UNC13C: variants seen among roughly 807,000 people sequenced by gnomAD.
The protein encoded by UNC13C is unc-13 homolog C.
A neutral mutation model predicts 245.4 loss-of-function variants in UNC13C; 174 were observed. The observed-to-expected ratio is 0.71, with a 90% CI of 0.63 to 0.80. The LOEUF (loss-of-function observed/expected upper bound fraction) is 0.80, where lower values mean the gene tolerates loss of function less well. UNC13C is among the 30% of genes least tolerant of loss of function. The probability of loss-of-function intolerance (pLI) is 0.00; values close to 1 mark genes in which losing one functional copy is unlikely to be tolerated. For missense variants in UNC13C, 2,829 were observed against 2,602.9 expected, an observed-to-expected ratio of 1.09 and a Z score of -1.89; for synonymous variants, 992 against 895.1, an observed-to-expected ratio of 1.11 and a Z score of -1.93.
intron 2 of UNC13C, among the ~76,000 whole-genome samples, chr15:54,123,569 T>C (rs538764094): frequency 8.3e-4 from 126 of 152,210 alleles, no homozygotes; most frequent in African/African-American, 3.0e-3. Context: ...CACTGATTTT[T>C]AAAACTGCTT....
chr15:54,523,704 T>C (rs1213689940), intron 24 of UNC13C, among the ~76,000 whole-genome samples: 2 of 152,172 alleles, frequency 1.3e-5, no homozygotes, highest in Non-Finnish European at 1.5e-5. Flanking sequence ...AGTGTGTATA[T>C]TAAACTAATA....
At chr15:54,487,788 AAGACAG>A (rs1893495226) in intron 19 of UNC13C, among the ~76,000 whole-genome samples, 1 of 77,402 alleles carries the variant, frequency 1.3e-5, no homozygotes. Context: ...AAAAAAAAAA[AAGACAG>A]AGAGAGAGAA....
Position 54,198,177 on chromosome 15 carries a change from C to A in UNC13C, c.3072-36853C>A, listed in dbSNP as rs182543673. 9.2e-5 allele frequency among the ~76,000 whole-genome samples: 14 copies of A among 152,170 alleles called. No homozygotes were observed. The East Asian group carries it at 2.7e-3, about 30-fold the overall frequency. On this transcript the variant is annotated intron_variant, in intron 4 of 32. Coordinates refer to ENST00000260323, the MANE Select transcript of UNC13C (RefSeq NM_001080534.3). ...ACACAGCACATTCATCAAGCCCTGC[C>A]GAAGGAGGGGCTGAGCTCAGACATG...
At position 54,181,665 on chromosome 15, in the gene UNC13C, T is replaced by C. The variant is rs544544894; in HGVS notation, c.3071+37981T>C. Among the ~76,000 whole-genome samples, 97 of 152,130 alleles carry C rather than the reference T, an allele frequency of 6.4e-4. 2 individuals are homozygous for C. In the South Asian group the frequency reaches 0.02, roughly 31 times the overall value. On this transcript the variant is annotated intron_variant, in intron 4 of 32. Coordinates refer to ENST00000260323, the MANE Select transcript of UNC13C (RefSeq NM_001080534.3). ...ATGACCACTTTAATCATATTGATTC[T>C]TCCAATGTATAGAGCATGGTATGTT...
At chr15:54,371,459 C>A (rs576432209) in intron 17 of UNC13C, among the ~76,000 whole-genome samples, 1 of 152,062 alleles carries the variant, frequency 6.6e-6, no homozygotes, top group East Asian at 1.9e-4. Context: ...TTGAATAAAG[C>A]GGAAGGCTTT....
intron 30 of UNC13C, among the ~76,000 whole-genome samples, chr15:54,604,706 T>C (rs1899663947): frequency 6.6e-6 from 1 of 152,206 alleles, no homozygotes; most frequent in South Asian, 2.1e-4. Flanking sequence ...TGAACACCTC[T>C]TTCCAGTGCC....
At chr15:54,586,339 T>C (rs28497275) in intron 30 of UNC13C, among the ~76,000 whole-genome samples, 18,755 of 152,234 alleles carry the variant, frequency 0.12, 2,041 homozygotes, top group African/African-American at 0.28. Context: ...CCTCACAGTT[T>C]TCAAGGCTGA....
chr15:54,258,527 C>T (rs576896464), intron 8 of UNC13C, among the ~76,000 whole-genome samples: 2 of 152,066 alleles, frequency 1.3e-5, no homozygotes, highest in Non-Finnish European at 1.5e-5. Context: ...CCACATCCGG[C>T]TAATTTTTTT....
chr15:53,955,901 T>C, the UNC13C span: 1 of 152,166 alleles, frequency 6.6e-6, no homozygotes, highest in Non-Finnish European at 1.5e-5. Context: ...AGCACAATTC[T>C]CAATAGCAAA....
chr15:54,338,580 G>A, intron 17 of UNC13C, 91 bp downstream of exon 17: 1 of 1,409,624 alleles, frequency 7.1e-7, no homozygotes, highest in South Asian at 1.5e-5. Context: ...AGAAAAGTAT[G>A]TTCATTTAAT....
rs561512270 is a variant in UNC13C, at chr15:54,110,720, T to G, written c.2984-32298T>G. Among the ~76,000 whole-genome samples, 10 of 152,310 alleles carry G rather than the reference T, an allele frequency of 6.6e-5. No individual in the cohort carries two copies. In the East Asian group the frequency reaches 1.4e-3, roughly 21 times the overall value. ...GAGTACAGATCAAAGTTGGTTTTTT[T>G]TGTGTGAATTTTCTTTGGTACCAAA... is the stretch of plus-strand genomic sequence containing the variant. On this transcript the variant is annotated intron_variant, in intron 2 of 32. Transcript: ENST00000260323.
At chr15:54,051,377 T>TA (rs1897259485) in intron 2 of UNC13C, among the ~76,000 whole-genome samples, 1 of 152,158 alleles carries the variant, frequency 6.6e-6, no homozygotes, top group Non-Finnish European at 1.5e-5. Flanking sequence ...GTACTTTTTT[T>TA]ATCTGGTGGA....
At chr15:54,142,409 A>G (rs2032064309) in intron 2 of UNC13C, among the ~76,000 whole-genome samples, 1 of 152,218 alleles carries the variant, frequency 6.6e-6, no homozygotes, top group Non-Finnish European at 1.5e-5. Context: ...TAGCTTTGTG[A>G]TCTTAATCAA....
chr15:54,090,339 G>C (rs1366335920), intron 2 of UNC13C, among the ~76,000 whole-genome samples: 1 of 151,920 alleles, frequency 6.6e-6, no homozygotes, highest in Non-Finnish European at 1.5e-5. Context: ...AGGATGAAGG[G>C]ACAAGAAGTC....
chr15:54,059,272 G>C (rs1897691377), intron 2 of UNC13C, among the ~76,000 whole-genome samples: 1 of 152,024 alleles, frequency 6.6e-6, no homozygotes, highest in South Asian at 2.1e-4. Context: ...AAAGCCTCAG[G>C]ATACAAAATC....
At chr15:53,873,323 T>C in the UNC13C span, among the ~76,000 whole-genome samples, 148,090 of 152,182 alleles carry the variant, frequency 0.97, 72,197 homozygotes, top group Middle Eastern at 1. Flanking sequence ...CTACCTCTTC[T>C]CATCCTGTCT....
chr15:54,107,621 C>A (rs990284433), intron 2 of UNC13C, among the ~76,000 whole-genome samples: 6 of 152,160 alleles, frequency 3.9e-5, no homozygotes. Context: ...AAGAAATGGA[C>A]TTCAATTGAT....
chr15:54,455,208 T>TCC (rs1567289113), intron 19 of UNC13C, among the ~76,000 whole-genome samples: 881 of 56,648 alleles, frequency 0.016, 84 homozygotes, highest in African/African-American at 0.048. Context: ...TCTCTCTCTA[T>TCC]ATATATATAT....
chr15:54,190,257 T>C (rs1300114169), intron 4 of UNC13C, among the ~76,000 whole-genome samples: 1 of 152,172 alleles, frequency 6.6e-6, no homozygotes, highest in Non-Finnish European at 1.5e-5. Flanking sequence ...AAGCTTTTCT[T>C]TTTCTTTTTT....
Sources: allele counts gnomAD v4.1 joint callset (sites outside exome capture counted in the v4.1 genomes callset), GRCh38; gene constraint gnomAD v4.1.1; transcripts MANE v1.5; gene names NCBI Gene and HGNC (gene_info 2026-07-23, HGNC 2026-07-21).